Variants in AXDND1 observed in about 807,000 individuals in gnomAD.
AXDND1 encodes the protein axonemal dynein light chain domain-containing protein 1.
A neutral mutation model predicts 137.5 loss-of-function variants in AXDND1; 110 were observed. The observed-to-expected ratio is 0.80, with a 90% confidence interval of 0.69 to 0.94. The LOEUF (loss-of-function observed/expected upper bound fraction) is 0.94. AXDND1 is among the 40% of genes least tolerant of loss of function. The pLI, the probability that AXDND1 is intolerant of heterozygous loss-of-function variation, is 0.00. For missense variants in AXDND1, 1,191 were observed against 1,169.8 expected (o/e 1.02, Z -0.26); for synonymous variants, 414 against 399.7 (o/e 1.04, Z -0.43).
At chr1:179,512,640 A>G (rs1237735809) in intron 21 of AXDND1, among the ~76,000 whole-genome samples, 1 of 152,128 alleles carries the variant, frequency 6.6e-6, no homozygotes, top group African/African-American at 2.4e-5. Flanking sequence ...TTGAATTTGT[A>G]GATTGCTTTT....
chr1:179,491,879 C>G (rs1041885787), intron 19 of AXDND1, 142 bp downstream of exon 19: 2 of 745,984 alleles, frequency 2.7e-6, no homozygotes, highest in African/African-American at 1.8e-5. Context: ...AGCTTTAACA[C>G]TGTGAGCAGT....
chr1:179,483,212 T>G lies in AXDND1; in HGVS notation c.2082T>G (p.Leu694=), dbSNP rs138733476. 50 of 1,605,272 alleles carry G rather than the reference T, an allele frequency of 3.1e-5. No homozygotes were observed. The highest frequency in any genetic ancestry group is 3.9e-5 in the Non-Finnish European group (46 of 1,174,646). The stretch of plus-strand genomic sequence containing the variant: ...AAATTAACAACGGTAACATTGAACT[T>G]CAGCACCACGTATGTACTTGTAAGG... ...GNEINNGNIE[L]QHHMDELHIS... is the part of the protein sequence containing the mutation. Residue 694 remains leucine, a synonymous_variant, in exon 18 of 26, where the codon CTT becomes CTG. Coordinates refer to ENST00000367618, the MANE Select transcript of AXDND1 (RefSeq NM_144696.6).
intron 23 of AXDND1, among the ~76,000 whole-genome samples, chr1:179,530,107 G>A (rs1670913023): frequency 6.6e-6 from 1 of 152,126 alleles, no homozygotes; most frequent in African/African-American, 2.4e-5. Flanking sequence ...TCGGCTCACT[G>A]CAACCTCTGC....
At chr1:179,465,229 T>C (rs1379380081) in intron 16 of AXDND1, among the ~76,000 whole-genome samples, 1 of 152,244 alleles carries the variant, frequency 6.6e-6, no homozygotes, top group Non-Finnish European at 1.5e-5. Context: ...GCTTCTCTAC[T>C]CTGGTTTCTC....
At chr1:179,494,201 C>T (rs1343648544) in intron 20 of AXDND1, among the ~76,000 whole-genome samples, 1 of 152,164 alleles carries the variant, frequency 6.6e-6, no homozygotes, top group Non-Finnish European at 1.5e-5. Flanking sequence ...ATCCGCCCTC[C>T]TCAGCCTCCC....
intron 4 of AXDND1, among the ~76,000 whole-genome samples, chr1:179,371,374 G>A (rs1433931207): frequency 1.3e-5 from 2 of 152,148 alleles, no homozygotes; most frequent in Non-Finnish European, 2.9e-5. Flanking sequence ...GTTGCAGTGA[G>A]CTGAGATTGT....
chr1:179,515,885 T>C (rs984759941), intron 21 of AXDND1, among the ~76,000 whole-genome samples: 1 of 152,186 alleles, frequency 6.6e-6, no homozygotes, highest in Non-Finnish European at 1.5e-5. Flanking sequence ...TCCCATAAGA[T>C]TATAAGACTG....
intron 17 of AXDND1, among the ~76,000 whole-genome samples, chr1:179,477,696 A>T (rs965903640): frequency 2.6e-5 from 4 of 152,088 alleles, no homozygotes; most frequent in Non-Finnish European, 5.9e-5. Flanking sequence ...GCCCCTCCCA[A>T]ATCTCATGTC....
chr1:179,463,237 C>A (rs1167988207), intron 16 of AXDND1, among the ~76,000 whole-genome samples: 1 of 152,158 alleles, frequency 6.6e-6, no homozygotes. Flanking sequence ...ATCTTTCCTG[C>A]TTTCTGTTGT....
At chr1:179,421,366 C>CTTTTTT in intron 12 of AXDND1, among the ~76,000 whole-genome samples, 1 of 108,988 alleles carries the variant, frequency 9.2e-6, no homozygotes, top group Non-Finnish European at 1.8e-5. Context: ...TTTTTCTTTT[C>CTTTTTT]CTTTTTTTTT....
intron 16 of AXDND1, among the ~76,000 whole-genome samples, chr1:179,461,271 C>G (rs1383384693): frequency 6.6e-6 from 1 of 152,142 alleles, no homozygotes; most frequent in African/African-American, 2.4e-5. Flanking sequence ...CTACATATGG[C>G]TAGTCAGTTT....
At chr1:179,525,029 C>A (rs1670402095) in intron 21 of AXDND1, among the ~76,000 whole-genome samples, 2 of 152,186 alleles carry the variant, frequency 1.3e-5, no homozygotes, top group African/African-American at 4.8e-5. Context: ...CCTTCCCCAT[C>A]CTTCAAGAAA....
chr1:179,525,808 T>C (rs199935675), intron 22 of AXDND1, among the ~76,000 whole-genome samples: 3 of 151,482 alleles, frequency 2.0e-5, no homozygotes, highest in African/African-American at 4.9e-5. Flanking sequence ...TATATATATA[T>C]ACACAGACAT....
At position 179,406,815 on chromosome 1, in the gene AXDND1, C is replaced by G. The variant is rs185406406; in HGVS notation, c.1110-4331C>G. Among the ~76,000 whole-genome samples the G allele has an allele frequency of 2.6e-5, 4 of 152,256 alleles. No homozygotes were observed. The East Asian group carries it at 7.7e-4, about 29-fold the overall frequency. Reference sequence around the variant, plus strand: ...GCATTTTTATATCCATTCAGCCAATCTATATCTTTTACATGGGGGAATTTA... The same window carrying G: ...GCATTTTTATATCCATTCAGCCAATGTATATCTTTTACATGGGGGAATTTA... On this transcript the variant is annotated intron_variant, in intron 11 of 25. Transcript: ENST00000367618.
intron 22 of AXDND1, among the ~76,000 whole-genome samples, chr1:179,526,165 C>G (rs907575181): frequency 2.6e-5 from 4 of 151,986 alleles, no homozygotes; most frequent in African/African-American, 9.7e-5. Context: ...CTTTTGCCCT[C>G]CTCCCAGGCC....
intron 17 of AXDND1, among the ~76,000 whole-genome samples, chr1:179,472,927 A>G (rs921730332): frequency 6.6e-6 from 1 of 152,078 alleles, no homozygotes; most frequent in African/African-American, 2.4e-5. Flanking sequence ...TAGAGACCAT[A>G]TAGTTGATTC....
intron 17 of AXDND1, among the ~76,000 whole-genome samples, chr1:179,475,345 C>T (rs1174183492): frequency 6.6e-6 from 1 of 152,212 alleles, no homozygotes; most frequent in African/African-American, 2.4e-5. Flanking sequence ...ACATTCAACA[C>T]CAGACCATGA....
intron 17 of AXDND1, among the ~76,000 whole-genome samples, chr1:179,469,055 G>A (rs760938670): frequency 2.6e-5 from 4 of 151,916 alleles, no homozygotes; most frequent in Non-Finnish European, 5.9e-5. Flanking sequence ...TTAGCCTCCT[G>A]AGTAGCTGGG....
intron 16 of AXDND1, among the ~76,000 whole-genome samples, chr1:179,457,531 T>C (rs540585968): frequency 6.6e-6 from 1 of 152,358 alleles, no homozygotes; most frequent in East Asian, 1.9e-4. Context: ...GTTATTTTTG[T>C]TTGTGTTTCA....
Sources: allele counts gnomAD v4.1 joint callset (sites outside exome capture counted in the v4.1 genomes callset), GRCh38; gene constraint gnomAD v4.1.1; transcripts MANE v1.5; gene names NCBI Gene and HGNC (gene_info 2026-07-23, HGNC 2026-07-21).